FGF14: variants seen among roughly 807,000 people sequenced by gnomAD.
The protein encoded by FGF14 is fibroblast growth factor homologous factor 4.
Under a neutral mutation model 25.5 loss-of-function variants are expected in FGF14, and 5 were observed. The observed-to-expected ratio is 0.20, with a 90% CI of 0.10 to 0.41. The LOEUF (loss-of-function observed/expected upper bound fraction) is 0.41, where lower values mean the gene tolerates loss of function less well. Ranked by LOEUF, FGF14 falls within the 10% of genes least tolerant of loss-of-function variation. FGF14 has a pLI of 1.00. For synonymous variants in FGF14, 138 were observed against 118.3 expected, an observed-to-expected ratio of 1.17 and a Z score of -1.08; for missense variants, 222 against 320.1, an observed-to-expected ratio of 0.69 and a Z score of 2.34.
At chr13:102,180,782 C>A (rs886720021) in intron 1 of FGF14, among the ~76,000 whole-genome samples, 1 of 152,196 alleles carries the variant, frequency 6.6e-6, no homozygotes, top group African/African-American at 2.4e-5. Flanking sequence ...GAAATATACA[C>A]AGGTAGTTGG....
At chr13:101,738,016 T>A (rs925340377) in intron 3 of FGF14, among the ~76,000 whole-genome samples, 1 of 152,174 alleles carries the variant, frequency 6.6e-6, no homozygotes, top group Non-Finnish European at 1.5e-5. Flanking sequence ...ACAATTCTCC[T>A]AAAAGACCAT....
At chr13:102,262,980 T>C in intron 1 of FGF14, 1 of 485,332 alleles carries the variant, frequency 2.1e-6, no homozygotes. Flanking sequence ...CAGCTTGATA[T>C]GGTAACATGA....
intron 1 of FGF14, among the ~76,000 whole-genome samples, chr13:102,131,647 T>G (rs949376554): frequency 1.3e-5 from 2 of 152,232 alleles, no homozygotes; most frequent in Non-Finnish European, 2.9e-5. Context: ...CAACTCAGAT[T>G]AATATAAAAC....
intron 1 of FGF14, among the ~76,000 whole-genome samples, chr13:101,939,592 C>T (rs2139304476): frequency 6.6e-6 from 1 of 152,284 alleles, no homozygotes; most frequent in South Asian, 2.1e-4. Context: ...CACCACTGAC[C>T]ATGGTTATTA....
intron 1 of FGF14, among the ~76,000 whole-genome samples, chr13:102,286,962 T>C (rs1195343273): frequency 6.6e-6 from 1 of 151,582 alleles, no homozygotes; most frequent in East Asian, 1.9e-4. Flanking sequence ...GTTGTGATAT[T>C]TGAGCTTTAA....
At chr13:102,145,043 T>C (rs1431055804) in intron 1 of FGF14, among the ~76,000 whole-genome samples, 2 of 152,224 alleles carry the variant, frequency 1.3e-5, no homozygotes, top group African/African-American at 4.8e-5. Context: ...GATTTTGTTA[T>C]GCTATCTGAC....
At chr13:101,947,599 A>G (rs923663735) in intron 1 of FGF14, among the ~76,000 whole-genome samples, 7 of 152,188 alleles carry the variant, frequency 4.6e-5, no homozygotes, top group African/African-American at 1.7e-4. Flanking sequence ...AAAACCAAAT[A>G]CCACATGTCT....
intron 1 of FGF14, among the ~76,000 whole-genome samples, chr13:101,912,188 A>G (rs1484912330): frequency 1.3e-5 from 2 of 152,120 alleles, no homozygotes; most frequent in East Asian, 1.9e-4. Context: ...TGCTTTTTAT[A>G]TTATGCATTA....
At chr13:101,944,806 A>G (rs1353344124) in intron 1 of FGF14, among the ~76,000 whole-genome samples, 1 of 152,192 alleles carries the variant, frequency 6.6e-6, no homozygotes, top group Non-Finnish European at 1.5e-5. Flanking sequence ...ATATTGAATG[A>G]TTCCCCCTTT....
intron 1 of FGF14, among the ~76,000 whole-genome samples, chr13:102,393,048 G>T (rs1463899471): frequency 6.6e-6 from 1 of 152,128 alleles, no homozygotes; most frequent in Non-Finnish European, 1.5e-5. Context: ...CACAATCTTT[G>T]ACGCCCCCAA....
chr13:101,894,119 C>T (rs2030239770), intron 1 of FGF14, among the ~76,000 whole-genome samples: 2 of 151,866 alleles, frequency 1.3e-5, no homozygotes, highest in South Asian at 4.2e-4. Context: ...TTTGGAATAG[C>T]CCTTTAGAGT....
intron 1 of FGF14, among the ~76,000 whole-genome samples, chr13:102,260,904 G>T (rs575782577): frequency 6.6e-6 from 1 of 152,128 alleles, no homozygotes; most frequent in African/African-American, 2.4e-5. Context: ...ACTTGCCAGC[G>T]CCTTTCCTAA....
intron 1 of FGF14, among the ~76,000 whole-genome samples, chr13:101,956,184 A>G (rs1417810395): frequency 6.6e-6 from 1 of 152,202 alleles, no homozygotes; most frequent in Non-Finnish European, 1.5e-5. Context: ...TCTCTACCCA[A>G]GTAAAGAAAA....
At chr13:101,743,117 C>T (rs2036657669) in intron 3 of FGF14, among the ~76,000 whole-genome samples, 1 of 152,178 alleles carries the variant, frequency 6.6e-6, no homozygotes, top group Admixed American at 6.5e-5. Flanking sequence ...CTCATGTAGC[C>T]CTAAAATGTA....
intron 1 of FGF14, among the ~76,000 whole-genome samples, chr13:101,971,402 A>C: frequency 6.7e-6 from 1 of 149,402 alleles, no homozygotes; most frequent in African/African-American, 2.5e-5. Context: ...AATGGGTCTC[A>C]CTCTGTCACC....
At chr13:102,157,257 ATAC>A in intron 1 of FGF14, among the ~76,000 whole-genome samples, 1 of 152,350 alleles carries the variant, frequency 6.6e-6, no homozygotes, top group Non-Finnish European at 1.5e-5. Flanking sequence ...ACTTCAAACT[ATAC>A]TACAACGCTA....
chr13:101,732,193 A>G (rs997471728), intron 3 of FGF14, among the ~76,000 whole-genome samples: 4 of 152,170 alleles, frequency 2.6e-5, no homozygotes, highest in African/African-American at 9.6e-5. Context: ...TCCACTAGGA[A>G]TTAGCCCACC....
chr13:101,892,203 G>A (rs897454469), intron 1 of FGF14, among the ~76,000 whole-genome samples: 1 of 151,992 alleles, frequency 6.6e-6, no homozygotes, highest in African/African-American at 2.4e-5. Flanking sequence ...TTAAAAATGT[G>A]TCCCTTATCT....
chr13:101,863,710 A>G (rs1448314763), intron 3 of FGF14, among the ~76,000 whole-genome samples: 8 of 152,158 alleles, frequency 5.3e-5, no homozygotes, highest in Non-Finnish European at 8.8e-5. Flanking sequence ...CCATACTGAT[A>G]AAACAGAGCA....
Sources: gnomAD v4.1 joint callset for allele counts (sites outside exome capture counted in the v4.1 genomes callset) on GRCh38, gnomAD v4.1.1 for gene constraint, MANE v1.5 for transcripts, NCBI Gene and HGNC (gene_info 2026-07-23, HGNC 2026-07-21) for gene names.